Variants in RIPK4 observed in about 807,000 individuals in gnomAD.
RIPK4 encodes the protein receptor-interacting serine/threonine-protein kinase 4.
In RIPK4, 17 loss-of-function variants were observed where a neutral mutation model predicts 42.9. That is an observed-to-expected ratio of 0.40 (90% confidence interval 0.27 to 0.59). The LOEUF is 0.59. Among genes scored for constraint, RIPK4 ranks in the 20% least tolerant of loss-of-function variants. RIPK4 has a pLI of 0.47. For missense variants in RIPK4, 897 were observed against 1,104.4 expected (o/e 0.81, Z 2.66); for synonymous variants, 498 against 499.1 (o/e 1.00, Z 0.03).
chr21:41,755,429 C>T lies in RIPK4; in HGVS notation c.474+1096G>A, dbSNP rs1361803403. The stretch of plus-strand genomic sequence containing the variant: ...TGCACTCGTCCGCAGAGTCTGGGCA[C>T]AGGGAGCGGCCGTGCGCATGCCATA... On this transcript the variant is annotated intron_variant, in intron 2 of 7. Coordinates refer to ENST00000332512, the MANE Select transcript of RIPK4 (RefSeq NM_020639.3). This position sits in a 1 kb window ranked among gnomAD's most constrained non-coding sequence, Gnocchi z 4.2. 6.6e-6 allele frequency among the ~76,000 whole-genome samples: 1 copy of T among 152,196 alleles called. No individual in the cohort carries two copies. Among genetic ancestry groups the T allele is most frequent in the Non-Finnish European group, 1.5e-5 (1 of 68,030 alleles).
chr21:41,761,917 C>T (rs765464753), intron 1 of RIPK4, among the ~76,000 whole-genome samples: 3 of 152,214 alleles, frequency 2.0e-5, no homozygotes, highest in African/African-American at 7.2e-5. Flanking sequence ...CCCTCCCCAG[C>T]GCACCGAGTT....
chr21:41,766,904 G>A lies in RIPK4; in HGVS notation c.138C>T (p.Thr46=). ...VYKVRHVHWK[T]WLAIKCSPSL... ...TGGGCGAGCACTTGATGGCCAGCCA[G>A]GTCTTCCAGTGGACATGGCGCACCT... is the stretch of plus-strand genomic sequence containing the variant. Residue 46 remains threonine, a synonymous_variant, in exon 1 of 8, where the codon ACC becomes ACT. Coordinates refer to ENST00000332512, the MANE Select transcript of RIPK4 (RefSeq NM_020639.3). The A allele has an allele frequency of 6.2e-7, 1 of 1,610,684 alleles. No homozygotes were observed. The highest frequency in any genetic ancestry group is 8.5e-7 in the Non-Finnish European group (1 of 1,178,856).
chr21:41,748,325 T>C (rs2061178097), intron 4 of RIPK4, among the ~76,000 whole-genome samples: 1 of 152,264 alleles, frequency 6.6e-6, no homozygotes, highest in East Asian at 1.9e-4. Context: ...TCTTCATTTT[T>C]AGACATTTTC....
intron 1 of RIPK4, among the ~76,000 whole-genome samples, chr21:41,763,692 G>A (rs1459060426): frequency 6.6e-6 from 1 of 152,140 alleles, no homozygotes; most frequent in Non-Finnish European, 1.5e-5. Flanking sequence ...AGCCTCGGAG[G>A]GGTTCCCACA....
chr21:41,758,163 T>C (rs1033004935), intron 1 of RIPK4, among the ~76,000 whole-genome samples: 1 of 146,828 alleles, frequency 6.8e-6, no homozygotes, highest in Non-Finnish European at 1.5e-5. Context: ...ACATTCACAA[T>C]GTGGTACAAC....
intron 6 of RIPK4, among the ~76,000 whole-genome samples, chr21:41,745,512 A>G (rs1264901026): frequency 6.6e-6 from 1 of 152,154 alleles, no homozygotes; most frequent in Non-Finnish European, 1.5e-5. Context: ...ATGAGTGGCT[A>G]TTTAGTGTCA....
intron 6 of RIPK4, 50 bp from the exon 7 acceptor site, chr21:41,744,190 A>G: frequency 1.3e-6 from 2 of 1,495,542 alleles, no homozygotes; most frequent in Non-Finnish European, 1.8e-6. Flanking sequence ...CATAGACCGC[A>G]TGGCCCGCCC....
intron 1 of RIPK4, among the ~76,000 whole-genome samples, chr21:41,762,681 A>AT (rs5844090): frequency 0.099 from 15,100 of 152,044 alleles, 797 homozygotes; most frequent in African/African-American, 0.13. Context: ...CAATGGCACT[A>AT]TTTTTTTTAA....
Position 41,759,468 on chromosome 21 carries a change from T to C in RIPK4, c.183-2652A>G, listed in dbSNP as rs1030225719. ...ACACTAGGAGAGATCCGACCTCCTA[T>C]AGCAGGAAACCCAGCAGCTCCATGT... is the stretch of plus-strand genomic sequence containing the variant. On this transcript the variant is annotated intron_variant, in intron 1 of 7. Transcript: ENST00000332512. 6.6e-5 allele frequency among the ~76,000 whole-genome samples: 10 copies of C among 152,116 alleles called. No individual in the cohort carries two copies. In the South Asian group the frequency reaches 2.1e-3, roughly 32 times the overall value.
At chr21:41,746,144 C>A (rs200789728) in intron 5 of RIPK4, 3 of 671,982 alleles carry the variant, frequency 4.5e-6, no homozygotes, top group East Asian at 3.0e-5. Flanking sequence ...CAGCACCTGG[C>A]GGATGAGCTC....
chr21:41,764,513 C>T (rs1170671313), intron 1 of RIPK4, among the ~76,000 whole-genome samples: 1 of 152,048 alleles, frequency 6.6e-6, no homozygotes. Flanking sequence ...GGGCCGGGGG[C>T]TGCACACAAA....
chr21:41,763,766 T>TG (rs1333641516), intron 1 of RIPK4, among the ~76,000 whole-genome samples: 1 of 152,188 alleles, frequency 6.6e-6, no homozygotes, highest in East Asian at 1.9e-4. Context: ...GTTACAAACC[T>TG]GGGGTTTGCT....
intron 4 of RIPK4, among the ~76,000 whole-genome samples, chr21:41,748,082 G>A (rs1377807990): frequency 6.6e-6 from 1 of 152,238 alleles, no homozygotes; most frequent in African/African-American, 2.4e-5. Flanking sequence ...AGGCCACTGT[G>A]CGGGAGAACG....
intron 4 of RIPK4, 94 bp from the exon 5 acceptor site, chr21:41,746,865 A>G (rs749394094): frequency 1.1e-4 from 155 of 1,407,248 alleles, no homozygotes; most frequent in Middle Eastern, 1.8e-4. Flanking sequence ...GGGGGCCACA[A>G]TGGGGCCATC....
At chr21:41,756,153 A>G (rs1254469906) in intron 2 of RIPK4, among the ~76,000 whole-genome samples, 1 of 152,196 alleles carries the variant, frequency 6.6e-6, no homozygotes, top group African/African-American at 2.4e-5. Context: ...CCTTTGTTGC[A>G]GAGCCTAAGG....
Position 41,766,878 on chromosome 21 carries a change from C to T in RIPK4, c.164G>A (p.Ser55Asn). 2 of 1,610,074 alleles carry T rather than the reference C, an allele frequency of 1.2e-6. No individual in the cohort carries two copies. Among genetic ancestry groups the T allele is most frequent in the Non-Finnish European group, 1.7e-6 (2 of 1,178,648 alleles). The stretch of plus-strand genomic sequence containing the variant: ...CGCTCACCTGTCGTCGACGTGCAGG[C>T]TGGGCGAGCACTTGATGGCCAGCCA... ...KTWLAIKCSP[S>N]LHVDDRERME... is the part of the protein sequence containing the mutation. The change falls in exon 1 of 8, where the codon AGC (serine) becomes AAC (asparagine). Residue 55 changes from serine to asparagine, a missense_variant. Ser to Asn is a conservative substitution (Grantham distance 46, BLOSUM62 1). Transcript: ENST00000332512.
In RIPK4 at chr21:41,766,820, C is replaced by G. The variant is rs754663626; in HGVS notation, c.182+40G>C. ...GAGCACCCCGACCCCGACCCCAGCCCGGGCCCCAGCCGCCCCAGCGCCCCG... is the reference window on the plus strand; with the variant it reads ...GAGCACCCCGACCCCGACCCCAGCCGGGGCCCCAGCCGCCCCAGCGCCCCG... On this transcript the variant is annotated intron_variant, in intron 1 of 7. Transcript: ENST00000332512. 1.1e-5 allele frequency: 17 copies of G among 1,578,136 alleles called. No homozygotes were observed. The South Asian group carries it at 1.7e-4, about 16-fold the overall frequency.
At chr21:41,759,769 G>A (rs1036260740) in intron 1 of RIPK4, among the ~76,000 whole-genome samples, 1 of 152,208 alleles carries the variant, frequency 6.6e-6, no homozygotes, top group African/African-American at 2.4e-5. Flanking sequence ...CCGCCCCTGC[G>A]AGAGTTCAGC....
rs2061181013 is a variant in RIPK4 at position 41,749,289 on chromosome 21, A to G, written c.624-86T>C. 6.1e-6 allele frequency: 8 copies of G among 1,312,668 alleles called. No individual in the cohort carries two copies. The East Asian group carries it at 6.9e-5, about 11-fold the overall frequency. 81.3% of individuals were successfully genotyped at this position (1,312,668 alleles called of 1,614,324 possible). Reference sequence around the variant, plus strand: ...CATGCACAGCAACAGGCGTGAAGACACCTGTTCTGAAGCCTTCCAAAGACA... The same window carrying G: ...CATGCACAGCAACAGGCGTGAAGACGCCTGTTCTGAAGCCTTCCAAAGACA... On this transcript the variant is annotated intron_variant, in intron 3 of 7. Coordinates refer to ENST00000332512, the MANE Select transcript of RIPK4 (RefSeq NM_020639.3).
Sources: allele counts gnomAD v4.1 joint callset (sites outside exome capture counted in the v4.1 genomes callset), GRCh38; gene constraint gnomAD v4.1.1; non-coding constraint Gnocchi (gnomAD v3.1); transcripts MANE v1.5; gene names NCBI Gene and HGNC (gene_info 2026-07-23, HGNC 2026-07-21).